Variants in PTPRM observed in about 807,000 individuals in gnomAD.
PTPRM encodes the protein receptor-type tyrosine-protein phosphatase mu.
PTPRM carries 47 observed loss-of-function variants against 186.7 expected under a neutral mutation model. The observed-to-expected ratio is 0.25, with a 90% CI of 0.20 to 0.32. The LOEUF (loss-of-function observed/expected upper bound fraction) is 0.32, where lower values mean the gene tolerates loss of function less well. Ranked by LOEUF, PTPRM falls within the 10% of genes least tolerant of loss-of-function variation. PTPRM has a pLI of 1.00. For synonymous variants in PTPRM, 668 were observed against 674.9 expected (o/e 0.99, Z 0.16); for missense variants, 1,494 against 1,865.0 (o/e 0.80, Z 3.66).
chr18:8,166,456 C>T (rs1342104287), intron 14 of PTPRM, among the ~76,000 whole-genome samples: 1 of 152,046 alleles, frequency 6.6e-6, no homozygotes, highest in Non-Finnish European at 1.5e-5. Flanking sequence ...ATTACAGAGC[C>T]CTTCCTTCCT....
chr18:8,235,364 T>C (rs577024895), intron 14 of PTPRM, among the ~76,000 whole-genome samples: 285 of 151,980 alleles, frequency 1.9e-3, no homozygotes, highest in Middle Eastern at 0.014. Flanking sequence ...AGGTATAGAG[T>C]TGTTCGTAAT....
At chr18:7,978,465 TC>T (rs2055105810) in intron 7 of PTPRM, among the ~76,000 whole-genome samples, 1 of 152,226 alleles carries the variant, frequency 6.6e-6, no homozygotes, top group Non-Finnish European at 1.5e-5. Context: ...CTAAATGGAC[TC>T]AATTTGACCA....
At chr18:8,333,434 G>A (rs572776456) in intron 22 of PTPRM, among the ~76,000 whole-genome samples, 1 of 152,262 alleles carries the variant, frequency 6.6e-6, no homozygotes, top group East Asian at 1.9e-4. Context: ...TCTCACTACT[G>A]TAAAAATGAA....
At chr18:8,082,508 T>G (rs2090185464) in intron 9 of PTPRM, among the ~76,000 whole-genome samples, 1 of 95,580 alleles carries the variant, frequency 1.0e-5, no homozygotes, top group African/African-American at 4.0e-5. Flanking sequence ...CTTCTCTCCC[T>G]CCCTCCCTCT....
At chr18:7,962,618 T>C (rs555655237) in intron 7 of PTPRM, among the ~76,000 whole-genome samples, 1 of 152,334 alleles carries the variant, frequency 6.6e-6, no homozygotes, top group Non-Finnish European at 1.5e-5. Flanking sequence ...ACAGGTTCCT[T>C]GGCAAGGGGG....
At chr18:7,881,824 G>A (rs558526180) in intron 2 of PTPRM, among the ~76,000 whole-genome samples, 435 of 152,182 alleles carry the variant, frequency 2.9e-3, no homozygotes, top group Middle Eastern at 6.8e-3. Context: ...CAGAGCCTGG[G>A]TGCAGCCTTT....
chr18:7,758,258 A>G (rs1175857061), intron 1 of PTPRM, among the ~76,000 whole-genome samples: 3 of 152,218 alleles, frequency 2.0e-5, no homozygotes, highest in Non-Finnish European at 4.4e-5. Context: ...CAGATACTCA[A>G]AGGGATCCAT....
At chr18:7,822,494 A>C (rs139750496) in intron 2 of PTPRM, among the ~76,000 whole-genome samples, 17 of 152,342 alleles carry the variant, frequency 1.1e-4, no homozygotes, top group African/African-American at 3.8e-4. Flanking sequence ...CAATAGATAG[A>C]GTCACCAGAG....
At chr18:8,134,188 G>C (rs980510860) in intron 13 of PTPRM, among the ~76,000 whole-genome samples, 2 of 152,140 alleles carry the variant, frequency 1.3e-5, no homozygotes, top group African/African-American at 2.4e-5. Context: ...GCCTTTCTCT[G>C]TACAAACTTG....
chr18:8,189,738 A>G (rs981882264), intron 14 of PTPRM, among the ~76,000 whole-genome samples: 1 of 152,220 alleles, frequency 6.6e-6, no homozygotes, highest in African/African-American at 2.4e-5. Context: ...GAAGACTTCC[A>G]TCTGGAATAC....
intron 29 of PTPRM, among the ~76,000 whole-genome samples, 177 bp downstream of exon 29, chr18:8,380,604 AGAAAGTCAGTT>A (rs141976621): frequency 0.02 from 3,033 of 152,320 alleles, 77 homozygotes; most frequent in African/African-American, 0.068. Flanking sequence ...ATTAGGGGTT[AGAAAGTCAGTT>A]GAAACCAGAA....
At chr18:7,865,872 G>T (rs573354041) in intron 2 of PTPRM, among the ~76,000 whole-genome samples, 1 of 152,244 alleles carries the variant, frequency 6.6e-6, no homozygotes, top group South Asian at 2.1e-4. Flanking sequence ...ACTTGTTGTT[G>T]ATCTATTCAG....
chr18:8,284,588 AT>A (rs1167904616), intron 19 of PTPRM, among the ~76,000 whole-genome samples: 5 of 150,860 alleles, frequency 3.3e-5, no homozygotes, highest in Non-Finnish European at 5.9e-5. Context: ...TCTACTAAAA[AT>A]TAAAAAAAAA....
intron 2 of PTPRM, among the ~76,000 whole-genome samples, chr18:7,874,194 T>C (rs1387571366): frequency 6.6e-6 from 1 of 152,220 alleles, no homozygotes; most frequent in East Asian, 1.9e-4. Flanking sequence ...AACATACTAT[T>C]GTCTAAATGG....
In PTPRM at chr18:7,978,789, G is replaced by A. The variant is rs149395760; in HGVS notation, c.1132+23375G>A. On this transcript the variant is annotated intron_variant, in intron 7 of 32. Coordinates refer to ENST00000580170, the MANE Select transcript of PTPRM (RefSeq NM_001105244.2). The stretch of plus-strand genomic sequence containing the variant: ...TATCATAATATTAAGGTTAGGATAT[G>A]AAACATTATGAAGGGTCTGTGAGCA... Among the ~76,000 whole-genome samples, 1,256 of 152,264 alleles carry A rather than the reference G, an allele frequency of 8.2e-3. 7 individuals carry two copies. The highest frequency in any genetic ancestry group is 0.033 in the South Asian group (161 of 4,824).
intron 3 of PTPRM, among the ~76,000 whole-genome samples, chr18:7,905,405 C>G (rs1352140581): frequency 6.6e-6 from 1 of 152,206 alleles, no homozygotes; most frequent in East Asian, 1.9e-4. Context: ...TCTTGCTTCT[C>G]CAATTATCAA....
chr18:8,114,436 G>T (rs1350807265), intron 12 of PTPRM, among the ~76,000 whole-genome samples: 1 of 152,120 alleles, frequency 6.6e-6, no homozygotes. Flanking sequence ...CCGGTGTAAA[G>T]GGGGGAAATC....
At chr18:7,922,467 C>T (rs940273907) in intron 4 of PTPRM, among the ~76,000 whole-genome samples, 3 of 152,144 alleles carry the variant, frequency 2.0e-5, no homozygotes, top group African/African-American at 7.2e-5. Context: ...AAATTGTTTA[C>T]CCACTTTGAC....
chr18:7,871,378 C>T (rs184567252), intron 2 of PTPRM, among the ~76,000 whole-genome samples: 4 of 152,254 alleles, frequency 2.6e-5, no homozygotes, highest in Admixed American at 1.3e-4. Context: ...CCTAAACTTG[C>T]GTTAGCCATT....
Sources: gnomAD v4.1 joint callset for allele counts (sites outside exome capture counted in the v4.1 genomes callset) on GRCh38, gnomAD v4.1.1 for gene constraint, MANE v1.5 for transcripts, NCBI Gene and HGNC (gene_info 2026-07-23, HGNC 2026-07-21) for gene names.